The following CCDC9B variants were observed in gnomAD, a reference collection of about 807,000 sequenced individuals.
CCDC9B encodes coiled-coil domain-containing protein 9B.
A neutral mutation model predicts 47.2 loss-of-function variants in CCDC9B; 40 were observed. That is an observed-to-expected ratio of 0.85 (90% confidence interval 0.66 to 1.10). CCDC9B has a LOEUF of 1.10. Among genes scored for constraint, CCDC9B ranks in the 50% least tolerant of loss-of-function variants. The pLI is 0.00. For missense variants in CCDC9B, 662 were observed against 651.0 expected, an observed-to-expected ratio of 1.02 and a Z score of -0.18; for synonymous variants, 238 against 250.7, an observed-to-expected ratio of 0.95 and a Z score of 0.48.
Position 40,332,787 on chromosome 15 carries a change from C to G in CCDC9B, c.*2371G>C, listed in dbSNP as rs796318974. On this transcript the variant is annotated 3_prime_UTR_variant, in exon 11 of 11. Transcript: ENST00000397536. ...TGCCTGAACCTCCTCTACCCCTAGC[C>G]CCGTCCTTTGGGAGTCATGGATTCC... 1.3e-5 allele frequency: 2 copies of G among 152,162 alleles called. No individual in the cohort carries two copies. Among genetic ancestry groups the G allele is most frequent in the African/African-American group, 4.8e-5 (2 of 41,430 alleles). The allele number at this position is 152,162 out of a possible 1,614,324, so 9.4% of individuals were successfully genotyped here.
chr15:40,338,973 G>C (rs1239331111), intron 3 of CCDC9B, 70 bp from the exon 4 acceptor site: 3 of 1,567,662 alleles, frequency 1.9e-6, no homozygotes, highest in Middle Eastern at 1.7e-4. Context: ...TCCTCTCGGT[G>C]GTTCCCCAGG....
intron 7 of CCDC9B, 61 bp from the exon 8 acceptor site, chr15:40,336,874 C>T: frequency 6.7e-7 from 1 of 1,496,298 alleles, no homozygotes; most frequent in Non-Finnish European, 9.1e-7. Flanking sequence ...ACAGGAACAC[C>T]AGTTCTTCCA....
Position 40,331,557 on chromosome 15 carries a change from G to A in CCDC9B, c.*3601C>T, listed in dbSNP as rs1268697759. 2 of 152,190 alleles carry A rather than the reference G, an allele frequency of 1.3e-5. No homozygotes were observed. The highest frequency in any genetic ancestry group is 4.8e-5 in the African/African-American group (2 of 41,352). 9.4% of individuals were successfully genotyped at this position (152,190 alleles called of 1,614,324 possible). A position where few individuals can be genotyped will look rare whatever the true frequency, so the allele number is the denominator to read the frequency against. ...TCCAACTCCAACTGCGGGCAGGTATGTTTTCCATACTCTCCCCATCCAGGT... is the reference window on the plus strand; with the variant it reads ...TCCAACTCCAACTGCGGGCAGGTATATTTTCCATACTCTCCCCATCCAGGT... On this transcript the variant is annotated 3_prime_UTR_variant, in exon 11 of 11. Coordinates refer to ENST00000397536, the MANE Select transcript of CCDC9B (RefSeq NM_207380.3).
rs1160537225 is a variant in CCDC9B at position 40,339,414 on chromosome 15, G to C, written c.231+98C>G. ...GAGCTGGCAGGTGCACCCCAGAATA[G>C]TTAGTAGGAGAGGGGAACAGAGGCA... is the stretch of plus-strand genomic sequence containing the variant. On this transcript the variant is annotated intron_variant, in intron 3 of 10. Transcript: ENST00000397536. The C allele has an allele frequency of 4.6e-6, 6 of 1,308,136 alleles. No homozygotes were observed. The East Asian group carries it at 1.4e-4, about 30-fold the overall frequency. 81.0% of individuals were successfully genotyped at this position (1,308,136 alleles called of 1,614,324 possible).
At position 40,335,017 on chromosome 15, in the gene CCDC9B, G is replaced by A. The variant is rs555662079; in HGVS notation, c.*141C>T. On this transcript the variant is annotated 3_prime_UTR_variant, in exon 11 of 11. Transcript: ENST00000397536. ...GGCCACTCCTTGCCCTCACAAGGTC[G>A]CCATGCTGGAGAGTTTGCCACACTG... 1.7e-5 allele frequency: 12 copies of A among 725,316 alleles called. No homozygotes were observed. Among genetic ancestry groups the A allele is most frequent in the Middle Eastern group, 4.3e-4 (1 of 2,312 alleles). 44.9% of individuals were successfully genotyped at this position (725,316 alleles called of 1,614,324 possible). A position where few individuals can be genotyped will look rare whatever the true frequency, so the allele number is the denominator to read the frequency against.
chr15:40,336,314 C>T (rs1284270715), intron 9 of CCDC9B: 2 of 985,442 alleles, frequency 2.0e-6, no homozygotes, highest in Non-Finnish European at 2.4e-6. Context: ...CAGGCATGTC[C>T]CCGCCTGCAA....
rs1566908288 is a variant in CCDC9B at position 40,338,832 on chromosome 15, CTCAAGCATCTCGTTGGTCACTCTGGGT to C, written c.276_302del (p.Pro93_Glu101del). ...CCCCGTGGTCCTCAGCATCCTCATC[CTCAAGCATCTCGTTGGTCACTCTGGGT>C]CCACAGGTACCCCTTGCCCAGTTCC... On this transcript the variant is annotated inframe_deletion, in exon 4 of 11. Transcript: ENST00000397536. 6.2e-7 allele frequency: 1 copy of C among 1,614,216 alleles called. No individual in the cohort carries two copies. The highest frequency in any genetic ancestry group is 1.1e-5 in the South Asian group (1 of 91,086).
chr15:40,337,638 G>A lies in CCDC9B; in HGVS notation c.683+86C>T, dbSNP rs368401408. On this transcript the variant is annotated intron_variant, in intron 6 of 10. Transcript: ENST00000397536. The stretch of plus-strand genomic sequence containing the variant: ...TGCCCAGCAAGGTCCTCTCAACCCC[G>A]AGGAGGGTCCCTGCAGCCCTCCCAG... 9.8e-5 allele frequency: 141 copies of A among 1,437,544 alleles called. 1 individual carries two copies. The African/African-American group carries it at 1.2e-3, about 12-fold the overall frequency. 89.0% of individuals were successfully genotyped at this position (1,437,544 alleles called of 1,614,324 possible).
intron 2 of CCDC9B, 142 bp from the exon 3 acceptor site, chr15:40,339,761 A>C: frequency 1.4e-6 from 2 of 1,457,994 alleles, no homozygotes; most frequent in Non-Finnish European, 1.9e-6. Flanking sequence ...GACCCTCACC[A>C]AGCCTCTAAG....
At chr15:40,340,051 G>T in intron 1 of CCDC9B, 36 bp from the exon 2 acceptor site, 1 of 1,379,660 alleles carries the variant, frequency 7.2e-7, no homozygotes, top group Non-Finnish European at 1.0e-6. Context: ...CTGACTTCCG[G>T]GTCCCCCTCT....
In CCDC9B at chr15:40,339,912, CT is replaced by C; in HGVS notation, c.115del (p.Arg39GlyfsTer19). ...LRKKNQALLR[R>X]YQEIQEDRRQ... is the part of the protein sequence containing the mutation. ...CTGTGGCAGCCCACTCACCTGGTACCTGCGGAGCAAGGCCTGGTTCTTCTTG... is the reference window on the plus strand; with the variant it reads ...CTGTGGCAGCCCACTCACCTGGTACCGCGGAGCAAGGCCTGGTTCTTCTTG... On this transcript the variant is annotated frameshift_variant, in exon 2 of 11. Coordinates refer to ENST00000397536, the MANE Select transcript of CCDC9B (RefSeq NM_207380.3). LOFTEE classifies it high-confidence loss of function. 1 of 1,612,160 alleles carries C rather than the reference CT, an allele frequency of 6.2e-7. No homozygotes were observed. The highest frequency in any genetic ancestry group is 1.1e-5 in the South Asian group (1 of 91,070).
chr15:40,335,756 C>G (rs1888945081), intron 10 of CCDC9B, 28 bp downstream of exon 10: 1 of 1,605,998 alleles, frequency 6.2e-7, no homozygotes, highest in Non-Finnish European at 8.5e-7. Flanking sequence ...CGTCCCCAGC[C>G]TGCCCCATCC....
chr15:40,339,800 C>G, intron 2 of CCDC9B, 105 bp downstream of exon 2: 1 of 1,404,682 alleles, frequency 7.1e-7, no homozygotes, highest in Non-Finnish European at 9.8e-7. Context: ...ACCCCTGGCC[C>G]CAGCCCCAGA....
At position 40,336,951 on chromosome 15, in the gene CCDC9B, G is replaced by A. The variant is rs925917333; in HGVS notation, c.743-138C>T. On this transcript the variant is annotated intron_variant, in intron 7 of 10. Coordinates refer to ENST00000397536, the MANE Select transcript of CCDC9B (RefSeq NM_207380.3). Reference sequence around the variant, plus strand: ...TGCCTCCCCAAAAGCGCCCTCGCCTGGGGGTCAGGAGAATAGGGTCCTGTG... The same window carrying A: ...TGCCTCCCCAAAAGCGCCCTCGCCTAGGGGTCAGGAGAATAGGGTCCTGTG... 7.9e-6 allele frequency: 6 copies of A among 762,268 alleles called. No homozygotes were observed. In the African/African-American group the frequency reaches 1.1e-4, roughly 14 times the overall value. 47.2% of individuals were successfully genotyped at this position (762,268 alleles called of 1,614,324 possible).
At chr15:40,337,979 C>T in intron 5 of CCDC9B, 86 bp from the exon 6 acceptor site, 1 of 1,335,886 alleles carries the variant, frequency 7.5e-7, no homozygotes, top group Non-Finnish European at 1.1e-6. Context: ...CTTCCTCTCT[C>T]AAGGTTTCCA....
rs774182299 is a variant in CCDC9B at position 40,340,909 on chromosome 15, C to T, written c.-90G>A. ...GGAGCCACCGGAGCCGGGCCTCTGC[C>T]GGCCTCTCCCTGCCGGCTTCGCTGC... On this transcript the variant is annotated 5_prime_UTR_variant, in exon 1 of 11. Transcript: ENST00000397536. 1.2e-4 allele frequency: 196 copies of T among 1,608,448 alleles called. 2 individuals are homozygous for T. The Admixed American group carries it at 3.2e-3, about 26-fold the overall frequency.
At position 40,336,949 on chromosome 15, in the gene CCDC9B, C is replaced by T. The variant is rs1476641889; in HGVS notation, c.743-136G>A. On this transcript the variant is annotated intron_variant, in intron 7 of 10. Transcript: ENST00000397536. ...TTTGCCTCCCCAAAAGCGCCCTCGC[C>T]TGGGGGTCAGGAGAATAGGGTCCTG... 5.1e-6 allele frequency: 4 copies of T among 780,632 alleles called. No individual in the cohort carries two copies. The African/African-American group carries it at 7.0e-5, about 14-fold the overall frequency. 48.4% of individuals were successfully genotyped at this position (780,632 alleles called of 1,614,324 possible).
At chr15:40,336,958 A>C (rs1888975283) in intron 7 of CCDC9B, 145 bp from the exon 8 acceptor site, 2 of 708,346 alleles carry the variant, frequency 2.8e-6, no homozygotes, top group Non-Finnish European at 2.4e-6. Context: ...CCTGGGGGTC[A>C]GGAGAATAGG....
At chr15:40,337,183 A>T in intron 7 of CCDC9B, 2 of 706,528 alleles carry the variant, frequency 2.8e-6, no homozygotes, top group Non-Finnish European at 5.2e-6. Flanking sequence ...TCTGCTCAGA[A>T]CCTGGACAAG....
Sources: allele counts gnomAD v4.1 joint callset, GRCh38; gene constraint gnomAD v4.1.1; transcripts MANE v1.5; gene names NCBI Gene and HGNC (gene_info 2026-07-23, HGNC 2026-07-21).